Variants in PEBP4 observed in about 807,000 individuals in gnomAD.
PEBP4 encodes phosphatidylethanolamine binding protein 4.
PEBP4 carries 22 observed loss-of-function variants against 23.9 expected under a neutral mutation model. That is an observed-to-expected ratio of 0.92 (90% CI 0.66 to 1.31). The LOEUF is 1.31. Ranked by LOEUF, PEBP4 falls within the 40% of genes most tolerant of loss-of-function variation. The pLI is 0.00. For synonymous variants in PEBP4, 112 were observed against 99.3 expected (o/e 1.13, Z -0.76); for missense variants, 324 against 281.7 (o/e 1.15, Z -1.07).
rs564203449 is a variant in PEBP4 at position 22,921,077 on chromosome 8, G to A, written c.132-767C>T. ...GCAACAGAGCCTGCAGGGCAGGGCA[G>A]GCCGGGCTGGGCCATGACAGCACCA... On this transcript the variant is annotated intron_variant, in intron 2 of 6. Transcript: ENST00000256404. 6.6e-5 allele frequency among the ~76,000 whole-genome samples: 10 copies of A among 152,378 alleles called. No homozygotes were observed. The East Asian group carries it at 1.9e-3, about 29-fold the overall frequency.
chr8:22,922,278 GAGA>G (rs1554497799), intron 2 of PEBP4, among the ~76,000 whole-genome samples: 1 of 152,114 alleles, frequency 6.6e-6, no homozygotes, highest in Non-Finnish European at 1.5e-5. Context: ...CAAAGTCTTG[GAGA>G]AGGACACGGA....
chr8:22,727,727 C>T (rs1212500682), intron 4 of PEBP4, among the ~76,000 whole-genome samples: 3 of 151,976 alleles, frequency 2.0e-5, no homozygotes, highest in South Asian at 2.1e-4. Flanking sequence ...GAGCAACCAG[C>T]GGGGGAAGGG....
chr8:22,723,802 G>A (rs1804567393), intron 6 of PEBP4, among the ~76,000 whole-genome samples: 1 of 152,232 alleles, frequency 6.6e-6, no homozygotes, highest in Non-Finnish European at 1.5e-5. Context: ...AGCCCTCTGT[G>A]ATAGGTGGGC....
intron 3 of PEBP4, among the ~76,000 whole-genome samples, chr8:22,832,783 C>G (rs1392142109): frequency 2.6e-5 from 4 of 152,326 alleles, no homozygotes; most frequent in Middle Eastern, 3.4e-3. Flanking sequence ...TGGAGCCTTG[C>G]TGACCTGGAG....
At chr8:22,739,171 G>C (rs1239971404) in intron 4 of PEBP4, among the ~76,000 whole-genome samples, 1 of 146,112 alleles carries the variant, frequency 6.8e-6, no homozygotes, top group Non-Finnish European at 1.5e-5. Context: ...GCAGAGGTGG[G>C]AGAGGAGGCA....
chr8:22,880,750 G>A (rs1808235950), intron 3 of PEBP4, among the ~76,000 whole-genome samples: 1 of 152,216 alleles, frequency 6.6e-6, no homozygotes, highest in Admixed American at 6.5e-5. Flanking sequence ...GAGTGGCCCA[G>A]GTGGACCAGT....
At chr8:22,810,707 TGTGTGTGAGAGA>T (rs1410424983) in intron 4 of PEBP4, among the ~76,000 whole-genome samples, 1 of 127,690 alleles carries the variant, frequency 7.8e-6, no homozygotes, top group African/African-American at 2.7e-5. Context: ...TGTGTGTGTG[TGTGTGTGAGAGA>T]GAGAGAGAGA....
chr8:22,920,987 C>T (rs182779746), intron 2 of PEBP4, among the ~76,000 whole-genome samples: 122 of 152,244 alleles, frequency 8.0e-4, no homozygotes, highest in Non-Finnish European at 1.6e-3. Flanking sequence ...AAGAAGGGCC[C>T]GAACAGCACC....
intron 6 of PEBP4, 79 bp from the exon 7 acceptor site, chr8:22,713,615 G>T (rs1804354412): frequency 6.3e-7 from 1 of 1,590,688 alleles, no homozygotes; most frequent in Non-Finnish European, 8.6e-7. Flanking sequence ...TGAGAGGGAG[G>T]CCGGCTCGTG....
chr8:22,820,582 G>A (rs1413508195), intron 3 of PEBP4, among the ~76,000 whole-genome samples: 1 of 152,140 alleles, frequency 6.6e-6, no homozygotes, highest in Non-Finnish European at 1.5e-5. Context: ...GGAAAAGAGA[G>A]ATTAAATCTC....
intron 4 of PEBP4, among the ~76,000 whole-genome samples, chr8:22,789,278 C>G (rs1563216657): frequency 6.6e-6 from 1 of 152,100 alleles, no homozygotes; most frequent in Non-Finnish European, 1.5e-5. Flanking sequence ...CGGAGAAATT[C>G]TGAAACTATA....
chr8:22,860,214 A>ATG (rs200854930), intron 3 of PEBP4, among the ~76,000 whole-genome samples: 2,695 of 144,894 alleles, frequency 0.019, 146 homozygotes, highest in African/African-American at 0.066. Flanking sequence ...ATACACATAT[A>ATG]TGTATATATA....
chr8:22,880,915 G>C (rs1808241009), intron 3 of PEBP4, among the ~76,000 whole-genome samples: 1 of 152,208 alleles, frequency 6.6e-6, no homozygotes, highest in South Asian at 2.1e-4. Flanking sequence ...CCAGGGCCAG[G>C]GCCTGGGCCC....
At chr8:22,770,003 T>G (rs1263051900) in intron 4 of PEBP4, among the ~76,000 whole-genome samples, 2 of 152,120 alleles carry the variant, frequency 1.3e-5, no homozygotes, top group Non-Finnish European at 2.9e-5. Context: ...CTCTCTCCTC[T>G]TGTCCACCCC....
In PEBP4 at chr8:22,898,465, C is replaced by G. The variant is rs148388523; in HGVS notation, c.258+21719G>C. 2.9e-4 allele frequency among the ~76,000 whole-genome samples: 43 copies of G among 147,462 alleles called. 1 individual carries two copies. In the East Asian group the frequency reaches 7.5e-3, roughly 26 times the overall value. Reference sequence around the variant, plus strand: ...GTCTATGGTATTTTGTTATGGAACCCCAAGCTAAGACACCATCACAGAAAA... The same window carrying G: ...GTCTATGGTATTTTGTTATGGAACCGCAAGCTAAGACACCATCACAGAAAA... On this transcript the variant is annotated intron_variant, in intron 3 of 6. Coordinates refer to ENST00000256404, the MANE Select transcript of PEBP4 (RefSeq NM_144962.3).
At chr8:22,741,866 T>C (rs1019117899) in intron 4 of PEBP4, among the ~76,000 whole-genome samples, 1 of 152,070 alleles carries the variant, frequency 6.6e-6, no homozygotes, top group Non-Finnish European at 1.5e-5. Context: ...TGCACAACCA[T>C]GACAAGGGCC....
intron 4 of PEBP4, among the ~76,000 whole-genome samples, chr8:22,728,335 A>G (rs2128748992): frequency 6.6e-6 from 1 of 152,166 alleles, no homozygotes; most frequent in South Asian, 2.1e-4. Context: ...TATTGTCCTC[A>G]CTTTGGGCCT....
chr8:22,769,786 G>C (rs1057090561), intron 4 of PEBP4, among the ~76,000 whole-genome samples: 31 of 152,250 alleles, frequency 2.0e-4, no homozygotes, highest in African/African-American at 7.5e-4. Context: ...TCGTATGAAA[G>C]AGAAATATGC....
chr8:22,881,609 C>T (rs751285154), intron 3 of PEBP4, among the ~76,000 whole-genome samples: 6 of 152,174 alleles, frequency 3.9e-5, no homozygotes, highest in East Asian at 3.8e-4. Context: ...TTCCAAATAG[C>T]GTTCTCCCCA....
Sources: allele counts gnomAD v4.1 joint callset (sites outside exome capture counted in the v4.1 genomes callset), GRCh38; gene constraint gnomAD v4.1.1; transcripts MANE v1.5; gene names NCBI Gene and HGNC (gene_info 2026-07-23, HGNC 2026-07-21).